Variants in EEFSEC observed in about 807,000 individuals in gnomAD.
EEFSEC encodes the protein selenocysteine-specific elongation factor.
In EEFSEC, 43 loss-of-function variants were observed where a neutral mutation model predicts 42.1. That is an observed-to-expected ratio of 1.02 (90% CI 0.80 to 1.32). The LOEUF (loss-of-function observed/expected upper bound fraction) is 1.32, where lower values mean the gene tolerates loss of function less well. EEFSEC is among the 40% of genes most tolerant of loss of function. The pLI, the probability that EEFSEC is intolerant of heterozygous loss-of-function variation, is 0.00. For synonymous variants in EEFSEC, 354 were observed against 339.1 expected, an observed-to-expected ratio of 1.04 and a Z score of -0.48; for missense variants, 745 against 803.6, an observed-to-expected ratio of 0.93 and a Z score of 0.88.
intron 2 of EEFSEC, among the ~76,000 whole-genome samples, chr3:128,259,825 TTCATGTCTTTTTATG>T (rs1311420162): frequency 1.3e-5 from 2 of 152,226 alleles, no homozygotes; most frequent in African/African-American, 4.8e-5. Context: ...GTATTGATGC[TTCATGTCTTTTTATG>T]TCATGTCTTT....
rs377238153 is a variant in EEFSEC, at chr3:128,293,640, G to A, written c.786+28859G>A. ...CACGCCACTGCACTCCAGCCTGGGC[G>A]ACAAAGCAAGACTCTATCTCAAAAA... On this transcript the variant is annotated intron_variant, in intron 4 of 6. Transcript: ENST00000254730. 4.4e-3 allele frequency among the ~76,000 whole-genome samples: 496 copies of A among 113,680 alleles called. 2 individuals are homozygous for A. Among genetic ancestry groups the A allele is most frequent in the African/African-American group, 0.017 (461 of 27,556 alleles). 74.6% of individuals were successfully genotyped at this position (113,680 alleles called of 152,430 possible).
intron 2 of EEFSEC, 53 bp from the exon 3 acceptor site, chr3:128,262,075 G>T: frequency 6.4e-7 from 1 of 1,551,724 alleles, no homozygotes; most frequent in Non-Finnish European, 8.9e-7. Flanking sequence ...GACGTGCTTT[G>T]TGTCCATGTT....
intron 5 of EEFSEC, among the ~76,000 whole-genome samples, chr3:128,345,670 C>T (rs1177712171): frequency 6.6e-6 from 1 of 152,242 alleles, no homozygotes; most frequent in Non-Finnish European, 1.5e-5. Context: ...AAGGCCAGCA[C>T]ATCTACTTTG....
intron 2 of EEFSEC, among the ~76,000 whole-genome samples, chr3:128,259,886 T>C (rs1223117544): frequency 6.6e-6 from 1 of 151,886 alleles, no homozygotes; most frequent in Non-Finnish European, 1.5e-5. Context: ...GTTGTGTATA[T>C]ATACACAACA....
At chr3:128,382,412 C>T (rs899802498) in intron 6 of EEFSEC, among the ~76,000 whole-genome samples, 6 of 152,136 alleles carry the variant, frequency 3.9e-5, no homozygotes, top group African/African-American at 9.7e-5. Flanking sequence ...TGTGTGGGCT[C>T]GGCTCCATGC....
rs990949507 is a variant in EEFSEC, at chr3:128,153,540, C to T, written c.33C>T (p.Gly11=). 2 of 1,521,648 alleles carry T rather than the reference C, an allele frequency of 1.3e-6. No individual in the cohort carries two copies. The highest frequency in any genetic ancestry group is 2.6e-5 in the East Asian group (1 of 37,868). 94.3% of individuals were successfully genotyped at this position (1,521,648 alleles called of 1,614,324 possible). The change falls in exon 1 of 7, where the codon GGC becomes GGT. Residue 11 remains glycine, a synonymous_variant. Coordinates refer to ENST00000254730, the MANE Select transcript of EEFSEC (RefSeq NM_021937.5). Reference sequence around the variant, plus strand: ...GGCGGCGGGTGAACGTGAACGTGGGCGTGCTGGGCCACATCGACAGCGGCA... The same window carrying T: ...GGCGGCGGGTGAACGTGAACGTGGGTGTGCTGGGCCACATCGACAGCGGCA... MAGRRVNVNV[G]VLGHIDSGKT...
chr3:128,395,231 G>A (rs536314640), intron 6 of EEFSEC, among the ~76,000 whole-genome samples: 5 of 152,260 alleles, frequency 3.3e-5, no homozygotes, highest in Non-Finnish European at 2.9e-5. Flanking sequence ...TGAGGCCTCC[G>A]GGCCAGAAGG....
At chr3:128,262,043 G>C in intron 2 of EEFSEC, 85 bp from the exon 3 acceptor site, 1 of 1,274,774 alleles carries the variant, frequency 7.8e-7, no homozygotes, top group Non-Finnish European at 1.1e-6. Flanking sequence ...ACTGCACTTG[G>C]TACTGTGCCA....
At chr3:128,399,137 C>G (rs1411561750) in intron 6 of EEFSEC, among the ~76,000 whole-genome samples, 1 of 152,074 alleles carries the variant, frequency 6.6e-6, no homozygotes, top group Non-Finnish European at 1.5e-5. Flanking sequence ...CCGCATAATG[C>G]ACTGGTGTTC....
intron 6 of EEFSEC, among the ~76,000 whole-genome samples, chr3:128,389,865 GT>G (rs999512960): frequency 6.6e-6 from 1 of 152,242 alleles, no homozygotes; most frequent in Non-Finnish European, 1.5e-5. Flanking sequence ...CACCTAGCCG[GT>G]CAAGCCTAGC....
chr3:128,228,641 A>G (rs1361069904), intron 1 of EEFSEC, among the ~76,000 whole-genome samples: 2 of 152,082 alleles, frequency 1.3e-5, no homozygotes, highest in Admixed American at 6.5e-5. Context: ...AGAGGGCAAC[A>G]TAGCACTACT....
chr3:128,359,338 C>T (rs1168440560), intron 6 of EEFSEC, among the ~76,000 whole-genome samples: 1 of 152,078 alleles, frequency 6.6e-6, no homozygotes, highest in East Asian at 1.9e-4. Flanking sequence ...GCGCTGGGGA[C>T]CGTGGGAAGG....
chr3:128,163,946 A>C (rs200645162), intron 1 of EEFSEC, among the ~76,000 whole-genome samples: 1 of 151,354 alleles, frequency 6.6e-6, no homozygotes, highest in Non-Finnish European at 1.5e-5. Context: ...GTGAAAAAAA[A>C]AAAAAACAAA....
At chr3:128,410,174 C>T (rs905511050), downstream of EEFSEC, among the ~76,000 whole-genome samples, 31 of 152,296 alleles carry the variant, frequency 2.0e-4, no homozygotes, top group Admixed American at 1.9e-3. Flanking sequence ...GCACTGGGTC[C>T]GAACCCAGCT....
chr3:128,304,685 T>C (rs2066807360), intron 4 of EEFSEC, among the ~76,000 whole-genome samples: 1 of 152,008 alleles, frequency 6.6e-6, no homozygotes, highest in Non-Finnish European at 1.5e-5. Context: ...ATGGCAGGCA[T>C]CTTTTCGTTG....
chr3:128,359,157 G>A (rs555932555), intron 6 of EEFSEC, among the ~76,000 whole-genome samples: 79 of 152,282 alleles, frequency 5.2e-4, no homozygotes, highest in African/African-American at 1.9e-3. Flanking sequence ...GAAGGACAGA[G>A]GGAGGGAAGG....
At chr3:128,310,419 A>C (rs1281672388) in intron 4 of EEFSEC, among the ~76,000 whole-genome samples, 2 of 152,066 alleles carry the variant, frequency 1.3e-5, no homozygotes, top group Admixed American at 1.3e-4. Context: ...TGGCTTCTTG[A>C]GAGTTTCTAA....
In EEFSEC at chr3:128,261,551, C is replaced by CTTTT. The variant is rs386397883; in HGVS notation, c.525-560_525-557dup. Reference sequence around the variant, plus strand: ...TGGGTTATTTATTTTCTCTTTCCCTCTTTTTTTTTTTTTTTTTTTTGCCCT... The same window carrying CTTTT: ...TGGGTTATTTATTTTCTCTTTCCCTCTTTTTTTTTTTTTTTTTTTTTTTTGCCCT... On this transcript the variant is annotated intron_variant, in intron 2 of 6. Coordinates refer to ENST00000254730, the MANE Select transcript of EEFSEC (RefSeq NM_021937.5). Among the ~76,000 whole-genome samples, 414 of 106,710 alleles carry CTTTT rather than the reference C, an allele frequency of 3.9e-3. 4 individuals carry two copies. Among genetic ancestry groups the CTTTT allele is most frequent in the Middle Eastern group, 6.5e-3 (1 of 154 alleles). The allele number at this position is 106,710 out of a possible 152,430, so 70.0% of individuals were successfully genotyped here.
chr3:128,415,801 A>G, the EEFSEC span, among the ~76,000 whole-genome samples: 5 of 152,148 alleles, frequency 3.3e-5, no homozygotes, highest in African/African-American at 4.8e-5. Context: ...CCGGCCTCTT[A>G]TGGATGGGTG....
Sources: allele counts gnomAD v4.1 joint callset (sites outside exome capture counted in the v4.1 genomes callset), GRCh38; gene constraint gnomAD v4.1.1; transcripts MANE v1.5; gene names NCBI Gene and HGNC (gene_info 2026-07-23, HGNC 2026-07-21).